KITLG: variants seen among roughly 807,000 people sequenced by gnomAD.
The protein encoded by KITLG is KIT ligand, also known as c-Kit ligand.
Under a neutral mutation model 34.1 loss-of-function variants are expected in KITLG, and 13 were observed. The observed-to-expected ratio is 0.38, with a 90% confidence interval of 0.25 to 0.61. The LOEUF (loss-of-function observed/expected upper bound fraction) is 0.61. Among genes scored for constraint, KITLG ranks in the 20% least tolerant of loss-of-function variants. The pLI, the probability that KITLG is intolerant of heterozygous loss-of-function variation, is 0.60. For missense variants in KITLG, 292 were observed against 318.9 expected, an observed-to-expected ratio of 0.92 and a Z score of 0.64; for synonymous variants, 110 against 104.0, an observed-to-expected ratio of 1.06 and a Z score of -0.35.
chr12:88,506,045 T>C (rs1566018383), intron 8 of KITLG, among the ~76,000 whole-genome samples: 1 of 152,204 alleles, frequency 6.6e-6, no homozygotes, highest in Non-Finnish European at 1.5e-5. Flanking sequence ...TTCTGCTGCC[T>C]TACTTAAATA....
chr12:88,528,151 T>C (rs1041597234), intron 3 of KITLG, among the ~76,000 whole-genome samples: 1 of 152,204 alleles, frequency 6.6e-6, no homozygotes, highest in African/African-American at 2.4e-5. Flanking sequence ...TCATTTTCTT[T>C]GCCTTTTCCA....
chr12:88,543,064 T>A (rs1870578203), intron 2 of KITLG, among the ~76,000 whole-genome samples: 1 of 152,168 alleles, frequency 6.6e-6, no homozygotes. Flanking sequence ...GATCCCTTTT[T>A]CAGACTTACC....
intron 1 of KITLG, among the ~76,000 whole-genome samples, chr12:88,562,232 C>T (rs148736251): frequency 6.6e-6 from 1 of 152,198 alleles, no homozygotes; most frequent in South Asian, 2.1e-4. Flanking sequence ...ATAAAATTCT[C>T]TTTTATATGG....
intron 3 of KITLG, among the ~76,000 whole-genome samples, chr12:88,527,816 C>T (rs1869933885): frequency 6.6e-6 from 1 of 152,164 alleles, no homozygotes; most frequent in Non-Finnish European, 1.5e-5. Flanking sequence ...ACTTGAATTG[C>T]ATAAGCTCCA....
chr12:88,506,398 A>G lies in KITLG; in HGVS notation c.715-20T>C. 6.5e-7 allele frequency: 1 copy of G among 1,532,738 alleles called. No homozygotes were observed. The highest frequency in any genetic ancestry group is 2.2e-5 in the East Asian group (1 of 44,450). 94.9% of individuals were successfully genotyped at this position (1,532,738 alleles called of 1,614,324 possible). A position where few individuals can be genotyped will look rare whatever the true frequency, so the allele number is the denominator to read the frequency against. On this transcript the variant is annotated intron_variant, in intron 7 of 9. Coordinates refer to ENST00000644744, the MANE Select transcript of KITLG (RefSeq NM_000899.5). Reference sequence around the variant, plus strand: ...TCTCTTCTGGAAAAAGAAGAAAGACATATACTGTAAAATAATCAATGAATG... The same window carrying G: ...TCTCTTCTGGAAAAAGAAGAAAGACGTATACTGTAAAATAATCAATGAATG...
At chr12:88,507,720 T>G (rs1869117015) in intron 6 of KITLG, among the ~76,000 whole-genome samples, 1 of 152,140 alleles carries the variant, frequency 6.6e-6, no homozygotes, top group East Asian at 1.9e-4. Context: ...GACTAAGAGT[T>G]TGGACTTTTA....
At chr12:88,578,131 T>C (rs904237474) in intron 1 of KITLG, among the ~76,000 whole-genome samples, 3 of 152,212 alleles carry the variant, frequency 2.0e-5, no homozygotes, top group Non-Finnish European at 4.4e-5. Context: ...TTGTAATTTT[T>C]GGATTAGAAA....
intron 1 of KITLG, among the ~76,000 whole-genome samples, chr12:88,558,062 G>C (rs1255520277): frequency 6.6e-6 from 1 of 152,020 alleles, no homozygotes; most frequent in Non-Finnish European, 1.5e-5. Flanking sequence ...AAACCATTTG[G>C]TGATGTGAAA....
Position 88,580,438 on chromosome 12 carries a change from G to A in KITLG, c.-160C>T. On this transcript the variant is annotated 5_prime_UTR_variant, in exon 1 of 10. Transcript: ENST00000644744. The stretch of plus-strand genomic sequence containing the variant: ...CTCCACTGTCCCTGCTTCCCGCAGC[G>A]CTTCTAGTCTCGGCGCGAGGCGGCG... 2 of 871,978 alleles carry A rather than the reference G, an allele frequency of 2.3e-6. No homozygotes were observed. Among genetic ancestry groups the A allele is most frequent in the East Asian group, 2.7e-5 (1 of 37,074 alleles). 54.0% of individuals were successfully genotyped at this position (871,978 alleles called of 1,614,324 possible).
At chr12:88,528,056 G>A (rs547740551) in intron 3 of KITLG, among the ~76,000 whole-genome samples, 1 of 152,258 alleles carries the variant, frequency 6.6e-6, no homozygotes, top group Non-Finnish European at 1.5e-5. Flanking sequence ...AGTTCTGGAG[G>A]TCAGAAGTTT....
At chr12:88,579,314 G>A (rs567007912) in intron 1 of KITLG, among the ~76,000 whole-genome samples, 3 of 152,214 alleles carry the variant, frequency 2.0e-5, no homozygotes, top group Non-Finnish European at 2.9e-5. Flanking sequence ...GGGTGAAAGG[G>A]CAACCCTTAG....
intron 1 of KITLG, among the ~76,000 whole-genome samples, chr12:88,546,266 A>C (rs1198745190): frequency 6.6e-6 from 1 of 152,222 alleles, no homozygotes; most frequent in Non-Finnish European, 1.5e-5. Flanking sequence ...ACTGCTTGGC[A>C]AGAAGCAGCA....
rs573516661 is a variant in KITLG, at chr12:88,495,557, A to G, written c.*1662T>C. On this transcript the variant is annotated 3_prime_UTR_variant, in exon 10 of 10. Coordinates refer to ENST00000644744, the MANE Select transcript of KITLG (RefSeq NM_000899.5). ...AGAGAAGAAAGGGACTGTAGGAATC[A>G]TCTGGGCTCTTTGGTACAAAAAAGA... 6.6e-6 allele frequency: 1 copy of G among 152,656 alleles called. No homozygotes were observed. The highest frequency in any genetic ancestry group is 2.1e-4 in the South Asian group (1 of 4,828). 9.5% of individuals were successfully genotyped at this position (152,656 alleles called of 1,614,324 possible).
chr12:88,519,048 G>A (rs1014499171), intron 3 of KITLG, among the ~76,000 whole-genome samples, 181 bp from the exon 4 acceptor site: 2 of 152,108 alleles, frequency 1.3e-5, no homozygotes, highest in African/African-American at 4.8e-5. Flanking sequence ...TTTTAGTAGA[G>A]AGGAAGTTTC....
chr12:88,505,011 C>T (rs1377238324), intron 9 of KITLG, 148 bp downstream of exon 9: 7 of 481,064 alleles, frequency 1.5e-5, no homozygotes, highest in African/African-American at 1.2e-4. Flanking sequence ...AGGAGATATA[C>T]CTAATGTAAA....
At chr12:88,511,858 G>C (rs1338311630) in intron 6 of KITLG, among the ~76,000 whole-genome samples, 1 of 152,026 alleles carries the variant, frequency 6.6e-6, no homozygotes, top group African/African-American at 2.4e-5. Context: ...ACCCAAGAAA[G>C]TTTAAAAACA....
chr12:88,568,954 A>T (rs1307624264), intron 1 of KITLG, among the ~76,000 whole-genome samples: 1 of 152,254 alleles, frequency 6.6e-6, no homozygotes, highest in East Asian at 1.9e-4. Flanking sequence ...CTAAGGTCCC[A>T]TGTCAAGCTA....
chr12:88,502,942 G>A (rs1211003404), intron 9 of KITLG, among the ~76,000 whole-genome samples: 1 of 152,044 alleles, frequency 6.6e-6, no homozygotes, highest in Non-Finnish European at 1.5e-5. Flanking sequence ...TCATCTTATG[G>A]TTCAAAGGCA....
chr12:88,518,775 C>A lies in KITLG; in HGVS notation c.285G>T (p.Leu95Phe), dbSNP rs1334252205. ...LDKFSNISEG[L>F]SNYSIIDKLV... ...GTTTGTCTATGATGGAATAATTACT[C>A]AAGCCTTCAGAAATATTTGAAAACT... The change falls in exon 4 of 10, where the codon TTG (leucine) becomes TTT (phenylalanine). Residue 95 changes from leucine (L) to phenylalanine (F), a missense_variant. Around this residue, in one of 2 missense-constraint regions of KITLG, gnomAD observed 152 missense variants for 207.9 expected, o/e 0.73. Coordinates refer to ENST00000644744, the MANE Select transcript of KITLG (RefSeq NM_000899.5). 1 of 1,613,240 alleles carries A rather than the reference C, an allele frequency of 6.2e-7. No individual in the cohort carries two copies. The highest frequency in any genetic ancestry group is 8.5e-7 in the Non-Finnish European group (1 of 1,179,444).
Sources: allele counts gnomAD v4.1 joint callset (sites outside exome capture counted in the v4.1 genomes callset), GRCh38; gene constraint gnomAD v4.1.1; regional missense constraint gnomAD v4.1.1; transcripts MANE v1.5; gene names NCBI Gene and HGNC (gene_info 2026-07-23, HGNC 2026-07-21).